Variants in MN1 observed in about 807,000 individuals in gnomAD.
MN1 encodes transcriptional activator MN1.
In MN1, 19 loss-of-function variants were observed where a neutral mutation model predicts 86.9. That is an observed-to-expected ratio of 0.22 (90% confidence interval 0.15 to 0.32). MN1 has a LOEUF of 0.32. Among genes scored for constraint, MN1 ranks in the 10% least tolerant of loss-of-function variants. The pLI, the probability that MN1 is intolerant of heterozygous loss-of-function variation, is 1.00. For synonymous variants in MN1, 928 were observed against 849.6 expected (o/e 1.09, Z -1.60); for missense variants, 1,841 against 1,862.0 (o/e 0.99, Z 0.21).
chr22:27,799,745 C>G lies in MN1; in HGVS notation c.799G>C (p.Gly267Arg). Residue 267 changes from glycine (G) to arginine (R), a missense_variant, in exon 1 of 2, where the codon GGG becomes CGG. By Grantham distance (125) the Gly-to-Arg change is moderately radical. Coordinates refer to ENST00000302326, the MANE Select transcript of MN1 (RefSeq NM_002430.3). ...PHYAAGRQVP[G>R]GAFPGASAMP... ...GCCGAGGCGCCCGGGAAAGCGCCCC[C>G]AGGAACCTGGCGACCCGCTGCATAA... 2 of 1,586,960 alleles carry G rather than the reference C, an allele frequency of 1.3e-6. No individual in the cohort carries two copies. Among genetic ancestry groups the G allele is most frequent in the South Asian group, 1.1e-5 (1 of 87,440 alleles).
rs777640349 is a variant in MN1 at position 27,800,511 on chromosome 22, G to A, written c.33C>T (p.Val11=). The change falls in exon 1 of 2, where the codon GTC becomes GTT. Residue 11 remains valine, a synonymous_variant. Coordinates refer to ENST00000302326, the MANE Select transcript of MN1 (RefSeq NM_002430.3). MFGLDQFEPQ[V]NSRNAGQGER... ...CGCCCTGGCCAGCGTTCCTGCTGTT[G>A]ACCTGGGGCTCGAATTGGTCCAGCC... 4 of 1,614,070 alleles carry A rather than the reference G, an allele frequency of 2.5e-6. No individual in the cohort carries two copies. Among genetic ancestry groups the A allele is most frequent in the Admixed American group, 3.3e-5 (2 of 60,014 alleles).
At chr22:27,758,805 A>G (rs1568971122) in intron 1 of MN1, among the ~76,000 whole-genome samples, 1 of 152,176 alleles carries the variant, frequency 6.6e-6, no homozygotes, top group Non-Finnish European at 1.5e-5. Flanking sequence ...GCCTTGCCCA[A>G]TAGAAAGTAT....
intron 1 of MN1, among the ~76,000 whole-genome samples, chr22:27,790,588 C>T (rs1022149302): frequency 6.6e-6 from 1 of 151,930 alleles, no homozygotes; most frequent in African/African-American, 2.4e-5. Flanking sequence ...AGCCCAGTGT[C>T]GTCTCCGCCA....
rs1485385655 is a variant in MN1, at chr22:27,749,461, AC to A, written c.*1453del. 14 of 231,976 alleles carry A rather than the reference AC, an allele frequency of 6.0e-5. No homozygotes were observed. The Admixed American group carries it at 7.3e-4, about 12-fold the overall frequency. 14.4% of individuals were successfully genotyped at this position (231,976 alleles called of 1,614,324 possible). A position where few individuals can be genotyped will look rare whatever the true frequency, so the allele number is the denominator to read the frequency against. Reference sequence around the variant, plus strand: ...ATATCAGTTACTTCCTGTCTAACCCACCGGGGAATCTATGTGCCCCCCACCA... The same window carrying A: ...ATATCAGTTACTTCCTGTCTAACCCACGGGGAATCTATGTGCCCCCCACCA... On this transcript the variant is annotated 3_prime_UTR_variant, in exon 2 of 2. Coordinates refer to ENST00000302326, the MANE Select transcript of MN1 (RefSeq NM_002430.3).
chr22:27,753,133 G>A (rs1381020834), intron 1 of MN1, among the ~76,000 whole-genome samples: 1 of 152,202 alleles, frequency 6.6e-6, no homozygotes, highest in African/African-American at 2.4e-5. Context: ...GGGCAGAAAG[G>A]AGACTTCCTT....
intron 1 of MN1, among the ~76,000 whole-genome samples, chr22:27,785,128 G>A (rs1227049646): frequency 6.6e-6 from 1 of 151,390 alleles, no homozygotes; most frequent in East Asian, 1.9e-4. Context: ...AACAAGGAAA[G>A]GATGAAATTT....
intron 1 of MN1, 38 bp downstream of exon 1, chr22:27,796,725 T>G: frequency 6.5e-7 from 1 of 1,538,826 alleles, no homozygotes; most frequent in South Asian, 1.2e-5. Flanking sequence ...ATGGGGCGGG[T>G]CACCCGGGAA....
intron 1 of MN1, among the ~76,000 whole-genome samples, chr22:27,757,915 AG>A: frequency 6.6e-6 from 1 of 151,868 alleles, no homozygotes; most frequent in East Asian, 1.9e-4. Context: ...CATCCCCCAC[AG>A]TCAGCCCAGG....
intron 1 of MN1, among the ~76,000 whole-genome samples, chr22:27,787,710 TCA>T (rs1933153604): frequency 6.6e-6 from 1 of 152,028 alleles, no homozygotes; most frequent in African/African-American, 2.4e-5. Context: ...AGGGGAAAGG[TCA>T]CTCCCTTTTC....
intron 1 of MN1, among the ~76,000 whole-genome samples, chr22:27,789,270 T>A (rs1933180456): frequency 6.6e-6 from 1 of 151,286 alleles, no homozygotes; most frequent in South Asian, 2.1e-4. Flanking sequence ...TAGCAATGGG[T>A]CCCAAATACG....
intron 1 of MN1, among the ~76,000 whole-genome samples, chr22:27,786,529 A>T (rs1031865000): frequency 9.2e-5 from 14 of 151,906 alleles, no homozygotes; most frequent in Middle Eastern, 3.4e-3. Flanking sequence ...GAAGATTCCC[A>T]ACTGTCCACC....
chr22:27,770,935 C>T lies in MN1; in HGVS notation c.3782-19839G>A, dbSNP rs150500109. 6.9e-3 allele frequency among the ~76,000 whole-genome samples: 1,056 copies of T among 152,034 alleles called. 14 individuals are homozygous for T. The highest frequency in any genetic ancestry group is 0.038 in the East Asian group (198 of 5,150). ...TCAGCCTCCCAAAGTGCTGGGATTA[C>T]AGGCGGGAGCCACCACATCCAGCCC... On this transcript the variant is annotated intron_variant, in intron 1 of 1. Transcript: ENST00000302326.
chr22:27,799,077 G>A lies in MN1; in HGVS notation c.1467C>T (p.Ser489=), dbSNP rs773956261. 6.2e-6 allele frequency: 10 copies of A among 1,608,696 alleles called. No individual in the cohort carries two copies. In the African/African-American group the frequency reaches 6.7e-5, roughly 11 times the overall value. The change falls in exon 1 of 2, where the codon TCC becomes TCT. Residue 489 remains serine (S), a synonymous_variant. Transcript: ENST00000302326. ...ACTCGCCGGGTAGGCCTGGGTAGGC[G>A]GAAGGGGAGAGGTGATTATCCAGAG... The part of the protein sequence containing the change: ...NGALDNHLSP[S]AYPGLPGEFT...
chr22:27,748,484 C>T lies in MN1; in HGVS notation c.*2431G>A, dbSNP rs543413370. 3.5e-5 allele frequency: 7 copies of T among 197,584 alleles called. No individual in the cohort carries two copies. The highest frequency in any genetic ancestry group is 1.8e-3 in the Middle Eastern group (1 of 558). The allele number at this position is 197,584 out of a possible 1,614,324, so 12.2% of individuals were successfully genotyped here. A position where few individuals can be genotyped will look rare whatever the true frequency, so the allele number is the denominator to read the frequency against. On this transcript the variant is annotated 3_prime_UTR_variant, in exon 2 of 2. Coordinates refer to ENST00000302326, the MANE Select transcript of MN1 (RefSeq NM_002430.3). ...TTCTTTTAAGAGTCAAAAAAGATTACAGGATTGCCTAACACACAGCAGAGT... is the reference window on the plus strand; with the variant it reads ...TTCTTTTAAGAGTCAAAAAAGATTATAGGATTGCCTAACACACAGCAGAGT...
intron 1 of MN1, among the ~76,000 whole-genome samples, chr22:27,775,018 AG>A (rs1347658585): frequency 6.6e-6 from 1 of 152,208 alleles, no homozygotes; most frequent in Non-Finnish European, 1.5e-5. Context: ...TCCTGCTTCC[AG>A]GGGCTGGTGA....
chr22:27,781,366 C>T lies in MN1; in HGVS notation c.3781+15397G>A, dbSNP rs143033593. Among the ~76,000 whole-genome samples the T allele has an allele frequency of 1.6e-3, 247 of 152,320 alleles. 1 individual carries two copies. The highest frequency in any genetic ancestry group is 5.8e-3 in the African/African-American group (240 of 41,572). On this transcript the variant is annotated intron_variant, in intron 1 of 1. Coordinates refer to ENST00000302326, the MANE Select transcript of MN1 (RefSeq NM_002430.3). The stretch of plus-strand genomic sequence containing the variant: ...TGCATTGTAGGACATTGAACAGCAT[C>T]CCTGGCCTCCACCCATCAGGGACCC...
chr22:27,757,578 C>T (rs1051601771), intron 1 of MN1, among the ~76,000 whole-genome samples: 2 of 152,196 alleles, frequency 1.3e-5, no homozygotes, highest in Non-Finnish European at 2.9e-5. Context: ...AACTCACCCT[C>T]GCTGGATTCC....
At chr22:27,790,060 T>G (rs1352688761) in intron 1 of MN1, among the ~76,000 whole-genome samples, 2 of 152,226 alleles carry the variant, frequency 1.3e-5, no homozygotes, top group African/African-American at 4.8e-5. Context: ...CTCTGTGCCC[T>G]TTTGGGCAAA....
chr22:27,795,739 A>ACG (rs1442847805), intron 1 of MN1, among the ~76,000 whole-genome samples: 1 of 151,748 alleles, frequency 6.6e-6, no homozygotes, highest in African/African-American at 2.4e-5. Flanking sequence ...ACACACACAC[A>ACG]CGCACTTTAT....
Sources: gnomAD v4.1 joint callset for allele counts (sites outside exome capture counted in the v4.1 genomes callset) on GRCh38, gnomAD v4.1.1 for gene constraint, MANE v1.5 for transcripts, NCBI Gene and HGNC (gene_info 2026-07-23, HGNC 2026-07-21) for gene names.